Variants in PTPDC1 observed in about 807,000 individuals in gnomAD.
PTPDC1 encodes protein tyrosine phosphatase domain-containing protein 1.
In PTPDC1, 53 loss-of-function variants were observed where a neutral mutation model predicts 75.3. The observed-to-expected ratio is 0.70, with a 90% CI of 0.56 to 0.88. PTPDC1 has a LOEUF of 0.88. Among genes scored for constraint, PTPDC1 ranks in the 40% least tolerant of loss-of-function variants. The pLI, the probability that PTPDC1 is intolerant of heterozygous loss-of-function variation, is 0.00. For missense variants in PTPDC1, 925 were observed against 998.6 expected (o/e 0.93, Z 0.99); for synonymous variants, 349 against 366.2 (o/e 0.95, Z 0.54).
intron 1 of PTPDC1, among the ~76,000 whole-genome samples, chr9:94,063,204 C>T (rs770742927): frequency 5.3e-5 from 8 of 152,224 alleles, no homozygotes; most frequent in African/African-American, 1.7e-4. Flanking sequence ...TTCTTATATA[C>T]AAAATAGCCA....
At position 94,053,073 on chromosome 9, in the gene PTPDC1, T is replaced by G. The variant is rs933943527; in HGVS notation, c.-6-11661T>G. Among the ~76,000 whole-genome samples, 5 of 152,344 alleles carry G rather than the reference T, an allele frequency of 3.3e-5. No individual in the cohort carries two copies. The South Asian group carries it at 1.0e-3, about 32-fold the overall frequency. On this transcript the variant is annotated intron_variant, in intron 1 of 9. Coordinates refer to the PTPDC1 transcript ENST00000375360. ...TTAAGGATCCAAATCAAATAGCCTA[T>G]TTCTTTAAATGATGAAATAGCAGAG...
In PTPDC1 at chr9:94,084,524, C is replaced by A; in HGVS notation, c.-7C>A. ...CTTCCTGCCTCCGGCTCTTGCCTCCCAGTGCCATGCAGGTGCAGGATGCAA... is the reference window on the plus strand; with the variant it reads ...CTTCCTGCCTCCGGCTCTTGCCTCCAAGTGCCATGCAGGTGCAGGATGCAA... On this transcript the variant is annotated 5_prime_UTR_variant, in exon 1 of 9. Transcript: ENST00000620992. 6.2e-7 allele frequency: 1 copy of A among 1,609,674 alleles called. No homozygotes were observed. Among genetic ancestry groups the A allele is most frequent in the Non-Finnish European group, 8.5e-7 (1 of 1,179,918 alleles).
intron 2 of PTPDC1, among the ~76,000 whole-genome samples, chr9:94,068,147 C>T (rs1176363419): frequency 6.6e-6 from 1 of 152,006 alleles, no homozygotes; most frequent in East Asian, 1.9e-4. Flanking sequence ...GTATGATTGT[C>T]TTGCTTTTTG....
At chr9:94,068,441 G>GT (rs543575482) in intron 2 of PTPDC1, among the ~76,000 whole-genome samples, 23 of 151,922 alleles carry the variant, frequency 1.5e-4, no homozygotes, top group Non-Finnish European at 2.9e-4. Flanking sequence ...TTTGTCTGCT[G>GT]TTTCCTCATG....
chr9:94,081,905 A>T (rs183742041), upstream of PTPDC1, among the ~76,000 whole-genome samples: 271 of 152,378 alleles, frequency 1.8e-3, 4 homozygotes, highest in African/African-American at 6.3e-3. Context: ...CTTTCAAGAC[A>T]AAGAGAAGCT....
chr9:94,058,538 A>G (rs989067439), intron 1 of PTPDC1, among the ~76,000 whole-genome samples: 3 of 132,016 alleles, frequency 2.3e-5, no homozygotes, highest in African/African-American at 1.1e-4. Flanking sequence ...ATCTCTACTG[A>G]AAAAAAAAAA....
chr9:94,085,190 C>T, intron 1 of PTPDC1, 61 bp from the exon 2 acceptor site: 1 of 1,441,904 alleles, frequency 6.9e-7, no homozygotes, highest in Non-Finnish European at 9.6e-7. Context: ...AAGCTATTTC[C>T]CATGTTACAA....
intron 4 of PTPDC1, 145 bp downstream of exon 4, chr9:94,088,408 C>G (rs1827152918): frequency 1.1e-6 from 1 of 936,260 alleles, no homozygotes; most frequent in Admixed American, 3.1e-5. Flanking sequence ...CTACCATTCT[C>G]TTTGGTATTG....
chr9:94,033,477 G>A lies in PTPDC1; in HGVS notation c.-7+2350G>A, dbSNP rs553686558. 2.6e-4 allele frequency among the ~76,000 whole-genome samples: 39 copies of A among 152,310 alleles called. No homozygotes were observed. In the East Asian group the frequency reaches 7.3e-3, roughly 29 times the overall value. On this transcript the variant is annotated intron_variant, in intron 1 of 9. Transcript: ENST00000375360. ...AAAGTGTGTTTAAGGAAGAACCGGT[G>A]TTCTAATCCCAATTCCAGTACTTTC...
Position 94,084,600 on chromosome 9 carries a change from C to T in PTPDC1, c.70C>T (p.Arg24Trp), listed in dbSNP as rs149291466. Residue 24 changes from arginine to tryptophan, a missense_variant, in exon 1 of 9, where the codon CGG becomes TGG. Physicochemically the swap from Arg to Trp is moderately radical, Grantham distance 101 (BLOSUM62 -3). Coordinates refer to ENST00000620992, the MANE Select transcript of PTPDC1 (RefSeq NM_001253829.2). ...RFLSSFLQGR[R>W]HSTSDPVLRL... is the part of the protein sequence containing the mutation. Reference sequence around the variant, plus strand: ...CCTCAGCTCCTTTCTCCAGGGCCGCCGGCACTCCACCTCAGACCCAGTACT... The same window carrying T: ...CCTCAGCTCCTTTCTCCAGGGCCGCTGGCACTCCACCTCAGACCCAGTACT... 1.4e-5 allele frequency: 23 copies of T among 1,613,462 alleles called. No individual in the cohort carries two copies. The African/African-American group carries it at 1.5e-4, about 10-fold the overall frequency.
At chr9:94,071,007 T>A (rs1826497178) in intron 2 of PTPDC1, among the ~76,000 whole-genome samples, 1 of 152,148 alleles carries the variant, frequency 6.6e-6, no homozygotes, top group South Asian at 2.1e-4. Flanking sequence ...TAGATGGGTT[T>A]TTATTACTTT....
chr9:94,062,631 G>A (rs529647598), intron 1 of PTPDC1, among the ~76,000 whole-genome samples: 19 of 152,156 alleles, frequency 1.2e-4, no homozygotes, highest in Non-Finnish European at 2.6e-4. Context: ...GAGGAAGGGC[G>A]GGGAGGTGCT....
chr9:94,100,404 T>C (rs1827795633), intron 6 of PTPDC1: 1 of 152,200 alleles, frequency 6.6e-6, no homozygotes, highest in Non-Finnish European at 1.5e-5. Context: ...AAGAGCTACT[T>C]TGTTTTATAC....
chr9:94,067,529 T>G (rs1415134333), intron 2 of PTPDC1, among the ~76,000 whole-genome samples: 1 of 152,204 alleles, frequency 6.6e-6, no homozygotes, highest in Non-Finnish European at 1.5e-5. Context: ...ACCATAGATA[T>G]AATTATACAT....
upstream of PTPDC1, among the ~76,000 whole-genome samples, chr9:94,080,421 T>C (rs1826839272): frequency 3.9e-5 from 6 of 152,142 alleles, no homozygotes; most frequent in Admixed American, 3.9e-4. Context: ...TGCCTACATA[T>C]GGGAATAAAT....
rs1458886928 is a variant in PTPDC1, at chr9:94,046,125, T to G, written c.-7+14998T>G. Reference sequence around the variant, plus strand: ...GAATCCTTTCCCCATTGCTTGTTTTTGTCAGGTTTGTCAAAGATCAGATAG... The same window carrying G: ...GAATCCTTTCCCCATTGCTTGTTTTGGTCAGGTTTGTCAAAGATCAGATAG... On this transcript the variant is annotated intron_variant, in intron 1 of 9. Coordinates refer to the PTPDC1 transcript ENST00000375360. Among the ~76,000 whole-genome samples, 6 of 152,364 alleles carry G rather than the reference T, an allele frequency of 3.9e-5. No individual in the cohort carries two copies. In the South Asian group the frequency reaches 1.2e-3, roughly 32 times the overall value.
chr9:94,084,790 T>G lies in PTPDC1; in HGVS notation c.244+16T>G, dbSNP rs1319099833. The G allele has an allele frequency of 6.7e-7, 1 of 1,501,874 alleles. No homozygotes were observed. The highest frequency in any genetic ancestry group is 2.1e-5 in the Admixed American group (1 of 48,504). The allele number at this position is 1,501,874 out of a possible 1,614,324, so 93.0% of individuals were successfully genotyped here. ...AAAAGTAAAGGTCTCTTTCTTCTTATAGATTGCCATACCTATGTATATAAG... is the reference window on the plus strand; with the variant it reads ...AAAAGTAAAGGTCTCTTTCTTCTTAGAGATTGCCATACCTATGTATATAAG... On this transcript the variant is annotated intron_variant, in intron 1 of 8. Transcript: ENST00000620992.
At chr9:94,042,232 C>G (rs1825446505) in intron 1 of PTPDC1, among the ~76,000 whole-genome samples, 3 of 152,146 alleles carry the variant, frequency 2.0e-5, no homozygotes, top group Admixed American at 2.0e-4. Flanking sequence ...CAGAACGGTA[C>G]TTATGTACAG....
chr9:94,074,376 CT>C (rs553232572), intron 2 of PTPDC1, among the ~76,000 whole-genome samples: 1 of 152,098 alleles, frequency 6.6e-6, no homozygotes, highest in East Asian at 1.9e-4. Context: ...GTCATGTTGC[CT>C]TTGAGTCGGG....
Sources: allele counts gnomAD v4.1 joint callset (sites outside exome capture counted in the v4.1 genomes callset), GRCh38; gene constraint gnomAD v4.1.1; transcripts MANE v1.5; gene names NCBI Gene and HGNC (gene_info 2026-07-23, HGNC 2026-07-21).